The following MEIS1 variants were observed in gnomAD, a reference collection of about 807,000 sequenced individuals.
The protein encoded by MEIS1 is homeobox protein Meis1.
Under a neutral mutation model 50.8 loss-of-function variants are expected in MEIS1, and 5 were observed. The ratio of observed to expected loss-of-function variants is 0.10; its 90% CI spans 0.05 to 0.21. MEIS1 has a LOEUF of 0.21. Ranked by LOEUF, MEIS1 falls within the 10% of genes least tolerant of loss-of-function variation. The probability of loss-of-function intolerance (pLI) is 1.00; values close to 1 mark genes in which losing one functional copy is unlikely to be tolerated. For synonymous variants in MEIS1, 176 were observed against 179.3 expected, an observed-to-expected ratio of 0.98 and a Z score of 0.15; for missense variants, 318 against 517.3, an observed-to-expected ratio of 0.61 and a Z score of 3.74.
At chr2:66,564,788 A>G (rs1675300501) in intron 9 of MEIS1, among the ~76,000 whole-genome samples, 1 of 151,506 alleles carries the variant, frequency 6.6e-6, no homozygotes, top group Non-Finnish European at 1.5e-5. Context: ...TTTGTTACAT[A>G]TGTATACATG....
At chr2:66,444,253 A>T (rs1201852962) in intron 6 of MEIS1, among the ~76,000 whole-genome samples, 2 of 151,870 alleles carry the variant, frequency 1.3e-5, no homozygotes, top group African/African-American at 4.8e-5. Context: ...TTGGGGGAAG[A>T]GATCAGCCTG....
Position 66,567,890 on chromosome 2 carries a change from A to G in MEIS1, c.1024+379A>G, listed in dbSNP as rs535860266. On this transcript the variant is annotated intron_variant, in intron 10 of 12. Coordinates refer to ENST00000272369, the MANE Select transcript of MEIS1 (RefSeq NM_002398.3). ...ATTGCTGTAAACTTTATTACCTGTCAAAAGGGCAAAGGGGTCAGGATTGCT... is the reference window on the plus strand; with the variant it reads ...ATTGCTGTAAACTTTATTACCTGTCGAAAGGGCAAAGGGGTCAGGATTGCT... 3 of 455,300 alleles carry G rather than the reference A, an allele frequency of 6.6e-6. No individual in the cohort carries two copies. In the South Asian group the frequency reaches 7.2e-5, roughly 11 times the overall value. The allele number at this position is 455,300 out of a possible 1,614,324, so 28.2% of individuals were successfully genotyped here. A position where few individuals can be genotyped will look rare whatever the true frequency, so the allele number is the denominator to read the frequency against.
intron 6 of MEIS1, among the ~76,000 whole-genome samples, chr2:66,463,450 T>C (rs1394191828): frequency 6.6e-6 from 1 of 152,218 alleles, no homozygotes; most frequent in East Asian, 1.9e-4. Flanking sequence ...ATCTGAATGT[T>C]ACTTTCAAAT....
rs576250557 is a variant in MEIS1 at position 66,517,773 on chromosome 2, A to G, written c.888+5479A>G. Among the ~76,000 whole-genome samples, 13 of 152,318 alleles carry G rather than the reference A, an allele frequency of 8.5e-5. No homozygotes were observed. In the South Asian group the frequency reaches 1.7e-3, roughly 19 times the overall value. Reference sequence around the variant, plus strand: ...CTCTAATTTTTCTGTGATATACATCATATAAACTCTGTTTTAATAATGAAG... The same window carrying G: ...CTCTAATTTTTCTGTGATATACATCGTATAAACTCTGTTTTAATAATGAAG... On this transcript the variant is annotated intron_variant, in intron 8 of 12. Coordinates refer to ENST00000272369, the MANE Select transcript of MEIS1 (RefSeq NM_002398.3).
At chr2:66,467,672 C>A (rs537101311) in intron 7 of MEIS1, among the ~76,000 whole-genome samples, 83 of 152,128 alleles carry the variant, frequency 5.5e-4, no homozygotes, top group African/African-American at 1.8e-3. Flanking sequence ...ACAAAAATAT[C>A]AAGGTACTAT....
At chr2:66,442,772 T>C (rs1672027412) in intron 5 of MEIS1, 130 bp from the exon 6 acceptor site, 1 of 826,944 alleles carries the variant, frequency 1.2e-6, no homozygotes. Context: ...TGGGGGTCTC[T>C]GGAGGACAAT....
intron 7 of MEIS1, among the ~76,000 whole-genome samples, chr2:66,496,560 C>CGTTTT (rs1673410768): frequency 1.3e-5 from 2 of 152,252 alleles, no homozygotes; most frequent in East Asian, 3.9e-4. Flanking sequence ...TACTTGAAAA[C>CGTTTT]CATTTGCGTG....
chr2:66,465,141 G>A lies in MEIS1; in HGVS notation c.742+921G>A, dbSNP rs571063942. 2.0e-5 allele frequency among the ~76,000 whole-genome samples: 3 copies of A among 152,158 alleles called. No individual in the cohort carries two copies. In the South Asian group the frequency reaches 6.2e-4, roughly 32 times the overall value. ...GGAATTTTGTTGTCTAACTTAGTTG[G>A]GCTCTACCAATTAAAATTGCAAAGT... On this transcript the variant is annotated intron_variant, in intron 7 of 12. Transcript: ENST00000272369.
intron 7 of MEIS1, among the ~76,000 whole-genome samples, chr2:66,467,362 C>T (rs1369507454): frequency 2.1e-5 from 3 of 143,236 alleles, no homozygotes; most frequent in Non-Finnish European, 3.0e-5. Flanking sequence ...TTTAGGAGGC[C>T]GAGGTAGGGG....
At chr2:66,451,502 T>C (rs1672275261) in intron 6 of MEIS1, among the ~76,000 whole-genome samples, 1 of 152,086 alleles carries the variant, frequency 6.6e-6, no homozygotes, top group Admixed American at 6.6e-5. Context: ...GGCTTATTTC[T>C]CTTCTTTTAA....
At chr2:66,508,714 C>A (rs1372628509) in intron 7 of MEIS1, among the ~76,000 whole-genome samples, 1 of 152,242 alleles carries the variant, frequency 6.6e-6, no homozygotes, top group Non-Finnish European at 1.5e-5. Context: ...GCAAACGCCA[C>A]AACGTTGCTT....
chr2:66,556,777 A>G (rs1254224679), intron 9 of MEIS1, among the ~76,000 whole-genome samples: 2 of 152,074 alleles, frequency 1.3e-5, no homozygotes, highest in African/African-American at 2.4e-5. Flanking sequence ...GGGATGTTTT[A>G]AAAGCTTATG....
intron 9 of MEIS1, 35 bp downstream of exon 9, chr2:66,548,054 G>A: frequency 6.2e-7 from 1 of 1,601,546 alleles, no homozygotes; most frequent in Non-Finnish European, 8.5e-7. Context: ...CACACAATCT[G>A]TTTCCCCCTC....
chr2:66,516,333 C>T lies in MEIS1; in HGVS notation c.888+4039C>T, dbSNP rs76415883. On this transcript the variant is annotated intron_variant, in intron 8 of 12. Transcript: ENST00000272369. ...CAGATTCAGGTGAAGCAAGCATTCACGGGTCAATATCCAGCATTGACCAGT... is the reference window on the plus strand; with the variant it reads ...CAGATTCAGGTGAAGCAAGCATTCATGGGTCAATATCCAGCATTGACCAGT... 4.3e-3 allele frequency among the ~76,000 whole-genome samples: 656 copies of T among 152,214 alleles called. 5 individuals are homozygous for T. Among genetic ancestry groups the T allele is most frequent in the African/African-American group, 0.015 (630 of 41,532 alleles).
Position 66,478,737 on chromosome 2 carries a change from C to T in MEIS1, c.742+14517C>T, listed in dbSNP as rs117567540. On this transcript the variant is annotated intron_variant, in intron 7 of 12. Transcript: ENST00000272369. ...CCAAATAGACACACGCACACATAACCGTAGAATTGGTTTTCAGGCAGAGAA... is the reference window on the plus strand; with the variant it reads ...CCAAATAGACACACGCACACATAACTGTAGAATTGGTTTTCAGGCAGAGAA... Among the ~76,000 whole-genome samples the T allele has an allele frequency of 9.9e-5, 15 of 152,236 alleles. No individual in the cohort carries two copies. The East Asian group carries it at 2.3e-3, about 24-fold the overall frequency.
chr2:66,566,078 T>C (rs1675340143), intron 9 of MEIS1, among the ~76,000 whole-genome samples: 1 of 152,192 alleles, frequency 6.6e-6, no homozygotes, highest in South Asian at 2.1e-4. Context: ...TGTAGACCTG[T>C]GTTTTAAATA....
chr2:66,474,448 C>T (rs1298002844), intron 7 of MEIS1, among the ~76,000 whole-genome samples: 2 of 152,110 alleles, frequency 1.3e-5, no homozygotes, highest in Non-Finnish European at 2.9e-5. Flanking sequence ...TTTAGCTCTC[C>T]CCCTGATGTT....
intron 8 of MEIS1, among the ~76,000 whole-genome samples, chr2:66,543,527 C>A (rs976280689): frequency 4.6e-5 from 7 of 152,152 alleles, no homozygotes; most frequent in African/African-American, 1.7e-4. Flanking sequence ...CAGCCTAATA[C>A]ACATGTGCAG....
At chr2:66,513,001 G>A (rs1213023904) in intron 8 of MEIS1, among the ~76,000 whole-genome samples, 1 of 152,058 alleles carries the variant, frequency 6.6e-6, no homozygotes, top group East Asian at 1.9e-4. Context: ...ATGCCACTGG[G>A]GGATTTGTTT....
Sources: allele counts gnomAD v4.1 joint callset (sites outside exome capture counted in the v4.1 genomes callset), GRCh38; gene constraint gnomAD v4.1.1; transcripts MANE v1.5; gene names NCBI Gene and HGNC (gene_info 2026-07-23, HGNC 2026-07-21).